Variants in HELZ2 observed in about 807,000 individuals in gnomAD.
The protein encoded by HELZ2 is 3'-5' exoribonuclease HELZ2.
A neutral mutation model predicts 208.8 loss-of-function variants in HELZ2; 143 were observed. The ratio of observed to expected loss-of-function variants is 0.68; its 90% CI spans 0.60 to 0.79. HELZ2 has a LOEUF of 0.79. HELZ2 is among the 30% of genes least tolerant of loss of function. HELZ2 has a pLI of 0.00. For synonymous variants in HELZ2, 1,705 were observed against 1,693.7 expected (o/e 1.01, Z -0.16); for missense variants, 3,690 against 3,794.5 (o/e 0.97, Z 0.72).
exon 8 of HELZ2, chr20:63,563,818 G>A (rs751729396): frequency 8.3e-5 from 133 of 1,600,348 alleles, no homozygotes; most frequent in Non-Finnish European, 1.1e-4. Context: ...TGGCCCACGT[G>A]TACCAGTCCA....
exon 8 of HELZ2, chr20:63,565,262 A>G (rs776756289): frequency 1.9e-6 from 3 of 1,606,578 alleles, no homozygotes; most frequent in Non-Finnish European, 1.7e-6. Flanking sequence ...GCGGCCCCGA[A>G]GCCGCCCCTC....
chr20:63,569,486 C>A, exon 4 of HELZ2: 1 of 1,612,048 alleles, frequency 6.2e-7, no homozygotes, highest in East Asian at 2.2e-5. Context: ...CCACCCATTG[C>A]TCAAAGGTGC....
chr20:63,561,337 C>T lies in HELZ2; in HGVS notation c.6953+13G>A, dbSNP rs754552109. 1 of 1,612,762 alleles carries T rather than the reference C, an allele frequency of 6.2e-7. No individual in the cohort carries two copies. The highest frequency in any genetic ancestry group is 8.5e-7 in the Non-Finnish European group (1 of 1,179,796). On this transcript the variant is annotated intron_variant, in intron 13 of 18. Coordinates refer to ENST00000467148, the Ensembl canonical transcript of HELZ2. The stretch of plus-strand genomic sequence containing the variant: ...GCTGCAGGCAGCTCCACCCCCTGGC[C>T]CCTGCCACTTACCAGACCAGGTCCT...
intron 18 of HELZ2, 40 bp from the exon 20 acceptor site, chr20:63,559,410 G>C: frequency 6.6e-7 from 1 of 1,510,318 alleles, no homozygotes; most frequent in Non-Finnish European, 8.9e-7. Flanking sequence ...GTCAGGGTCA[G>C]GTGGGAGGAG....
intron 3 of HELZ2, among the ~76,000 whole-genome samples, chr20:63,569,950 T>G (rs1302281029): frequency 2.0e-5 from 3 of 152,064 alleles, no homozygotes; most frequent in Non-Finnish European, 2.9e-5. Context: ...TGAATCCTTG[T>G]TTTTGTTTTG....
rs1258043750 is a variant in HELZ2, at chr20:63,563,564, C to T, written c.5258G>A (p.Cys1753Tyr). Residue 1753 changes from cysteine (C) to tyrosine (Y), a missense_variant, in exon 8 of 19, where the codon TGC becomes TAC. This residue lies in a region of HELZ2 where 2,564 missense variants were observed against 2,580.5 expected (regional missense o/e 0.99). Transcript: ENST00000467148. ...GTTGCTGGGGAAGAGCAGCCGGAAG[C>T]AGCGGGAGCCCGCCTCCACGTCCAC... The T allele has an allele frequency of 2.6e-6, 4 of 1,522,548 alleles. No homozygotes were observed. The East Asian group carries it at 9.8e-5, about 37-fold the overall frequency. 94.3% of individuals were successfully genotyped at this position (1,522,548 alleles called of 1,614,324 possible).
In HELZ2 at chr20:63,563,779, C is replaced by T. The variant is rs1016493572; in HGVS notation, c.5043G>A (p.Val1681=). 6 of 1,604,356 alleles carry T rather than the reference C, an allele frequency of 3.7e-6. No homozygotes were observed. The African/African-American group carries it at 5.3e-5, about 14-fold the overall frequency. The change falls in exon 8 of 19, where the codon GTG becomes GTA. Residue 1681 remains valine (V), a synonymous_variant. Coordinates refer to ENST00000467148, the Ensembl canonical transcript of HELZ2. ...CCAGCAGGATCTGCCGCTGCAACAC[C>T]ACGTCCAGGTACCTGCGGATGGGCG...
chr20:63,564,869 T>C, exon 8 of HELZ2: 1 of 1,612,240 alleles, frequency 6.2e-7, no homozygotes, highest in Non-Finnish European at 8.5e-7. Flanking sequence ...CTGCAGCACC[T>C]TGGTGATGGT....
At chr20:63,567,099 G>A (rs1415531212) in exon 6 of HELZ2, 1 of 1,612,144 alleles carries the variant, frequency 6.2e-7, no homozygotes, top group Non-Finnish European at 8.5e-7. Flanking sequence ...AGTGCCGCGA[G>A]ATGAAGCTGA....
exon 8 of HELZ2, chr20:63,563,299 C>A (rs1006659439): frequency 1.3e-6 from 2 of 1,547,368 alleles, no homozygotes; most frequent in African/African-American, 2.7e-5. Flanking sequence ...CAGCCGCCTC[C>A]GGCCAGCGCT....
exon 18 of HELZ2, chr20:63,560,053 C>T: frequency 1.2e-6 from 2 of 1,609,880 alleles, no homozygotes; most frequent in Middle Eastern, 1.7e-4. Flanking sequence ...GCTCTTGGCA[C>T]AGGTGCGGAC....
rs748099938 is a variant in HELZ2, at chr20:63,562,586, G to A, written c.6236C>T (p.Pro2079Leu). ...GGTGCCCGGCCTCAGCACCTCTTCC[G>A]GAACCTTCTCCATGCCCATGTGGTG... The change falls in exon 8 of 19, where the codon CCG becomes CTG. Residue 2079 changes from proline (P) to leucine (L), a missense_variant. Transcript: ENST00000467148. 1.9e-5 allele frequency: 31 copies of A among 1,599,216 alleles called. No homozygotes were observed. The highest frequency in any genetic ancestry group is 6.8e-5 in the Admixed American group (4 of 58,588).
At chr20:63,570,727 C>T (rs941121520) in exon 2 of HELZ2, 1 of 1,606,380 alleles carries the variant, frequency 6.2e-7, no homozygotes, top group Non-Finnish European at 8.5e-7. Context: ...CGGCCAGCAG[C>T]CGCTCCTGGT....
At chr20:63,562,468 A>G in intron 8 of HELZ2, 52 bp downstream of exon 9, 1 of 1,525,794 alleles carries the variant, frequency 6.6e-7, no homozygotes, top group Non-Finnish European at 8.8e-7. Flanking sequence ...CCTGCAAGTG[A>G]GGGGCCCGGG....
Position 63,562,279 on chromosome 20 carries a change from C to A in HELZ2, c.6397+9G>T. ...CAGAGGGGAAGCTGGAGGGGTGGGG[C>A]AGACCTACCTCTGCAGAGGGGCTGC... On this transcript the variant is annotated intron_variant, in intron 9 of 18. Transcript: ENST00000467148. The A allele has an allele frequency of 1.3e-6, 2 of 1,596,838 alleles. No homozygotes were observed. Among genetic ancestry groups the A allele is most frequent in the Non-Finnish European group, 1.7e-6 (2 of 1,171,852 alleles).
At chr20:63,562,659 G>A (rs376190650) in exon 8 of HELZ2, 52 of 1,596,394 alleles carry the variant, frequency 3.3e-5, no homozygotes, top group Non-Finnish European at 4.0e-5. Context: ...TCTGCCCGGC[G>A]CTCCTGGTCC....
intron 11 of HELZ2, 26 bp downstream of exon 12, chr20:63,561,797 G>C (rs1396802939): frequency 6.4e-7 from 1 of 1,553,758 alleles, no homozygotes. Flanking sequence ...GCTCCCCAAA[G>C]GCCCCCACCG....
At chr20:63,573,594 T>A (rs1167632597), upstream of HELZ2, among the ~76,000 whole-genome samples, 1 of 151,518 alleles carries the variant, frequency 6.6e-6, no homozygotes, top group East Asian at 1.9e-4. The surrounding 1 kb of genome is among the most constrained non-coding windows in gnomAD (Gnocchi z 4.9). Flanking sequence ...CAGCCAGGGG[T>A]CCTGTGCACC....
chr20:63,559,109 A>G, downstream of HELZ2: 1 of 981,152 alleles, frequency 1.0e-6, no homozygotes, highest in South Asian at 1.8e-5. Flanking sequence ...AAGTCCACCC[A>G]CTTCCTGCCC....
Sources: allele counts gnomAD v4.1 joint callset (sites outside exome capture counted in the v4.1 genomes callset), GRCh38; gene constraint gnomAD v4.1.1; regional missense constraint gnomAD v4.1.1; non-coding constraint Gnocchi (gnomAD v3.1); transcripts MANE v1.5; gene names NCBI Gene and HGNC (gene_info 2026-07-23, HGNC 2026-07-21).